Variants in FBXL20 observed in about 807,000 individuals in gnomAD.
FBXL20 encodes the protein F-box/LRR-repeat protein 20.
A neutral mutation model predicts 64.0 loss-of-function variants in FBXL20; 11 were observed. The ratio of observed to expected loss-of-function variants is 0.17; its 90% confidence interval spans 0.11 to 0.28. The LOEUF is 0.28. Ranked by LOEUF, FBXL20 falls within the 10% of genes least tolerant of loss-of-function variation. The probability of loss-of-function intolerance (pLI) is 1.00; values close to 1 mark genes in which losing one functional copy is unlikely to be tolerated. For synonymous variants in FBXL20, 184 were observed against 189.0 expected (o/e 0.97, Z 0.22); for missense variants, 303 against 526.2 (o/e 0.58, Z 4.15).
chr17:39,271,719 C>T (rs1476690824), intron 10 of FBXL20, among the ~76,000 whole-genome samples: 1 of 151,888 alleles, frequency 6.6e-6, no homozygotes, highest in African/African-American at 2.4e-5. Context: ...CCCATGGAGG[C>T]CCAGTTGAGA....
intron 1 of FBXL20, among the ~76,000 whole-genome samples, chr17:39,368,209 C>T (rs918684089): frequency 6.6e-6 from 1 of 152,054 alleles, no homozygotes; most frequent in African/African-American, 2.4e-5. Flanking sequence ...GGCAACACAG[C>T]GAGAACTTAT....
At chr17:39,362,832 C>T (rs1240124624) in intron 1 of FBXL20, among the ~76,000 whole-genome samples, 10 of 149,026 alleles carry the variant, frequency 6.7e-5, no homozygotes, top group Non-Finnish European at 1.3e-4. Context: ...GTTGGCCAGA[C>T]TGGTCATGCT....
At chr17:39,336,468 T>G (rs1334513662) in intron 2 of FBXL20, among the ~76,000 whole-genome samples, 1 of 152,206 alleles carries the variant, frequency 6.6e-6, no homozygotes, top group Non-Finnish European at 1.5e-5. Flanking sequence ...TCCATGAGTC[T>G]ATACTACACT....
At chr17:39,281,362 A>G (rs376804504) in intron 9 of FBXL20, 27 bp downstream of exon 9, 41 of 1,604,830 alleles carry the variant, frequency 2.6e-5, no homozygotes, top group Non-Finnish European at 3.1e-5. Context: ...TTACTAAAAC[A>G]GAAGAGTTGT....
At chr17:39,301,423 C>G (rs1389885527) in intron 3 of FBXL20, among the ~76,000 whole-genome samples, 1 of 151,934 alleles carries the variant, frequency 6.6e-6, no homozygotes, top group Non-Finnish European at 1.5e-5. Flanking sequence ...AGACCCGATC[C>G]CTATAAAAAA....
At position 39,275,037 on chromosome 17, in the gene FBXL20, C is replaced by T. The variant is rs1426166174; in HGVS notation, c.760G>A (p.Ala254Thr). 4 of 1,613,834 alleles carry T rather than the reference C, an allele frequency of 2.5e-6. No homozygotes were observed. The highest frequency in any genetic ancestry group is 3.4e-6 in the Non-Finnish European group (4 of 1,179,986). Residue 254 changes from alanine to threonine, a missense_variant, in exon 10 of 15, where the codon GCC becomes ACC. Transcript: ENST00000264658. ...TCTGTGATGTTGGAGCAGCCAGAGGCACAAAGGGATTGTAACTTATGGCAC... is the reference window on the plus strand; with the variant it reads ...TCTGTGATGTTGGAGCAGCCAGAGGTACAAAGGGATTGTAACTTATGGCAC... ...RGCHKLQSLC[A>T]SGCSNITDAI... is the part of the protein sequence containing the mutation.
chr17:39,270,097 G>C (rs1362936416), intron 11 of FBXL20, among the ~76,000 whole-genome samples: 3 of 152,194 alleles, frequency 2.0e-5, no homozygotes, highest in African/African-American at 7.2e-5. Flanking sequence ...GGAGAATACA[G>C]AAAATCTCCT....
At chr17:39,396,807 A>G (rs1267200029) in intron 1 of FBXL20, among the ~76,000 whole-genome samples, 2 of 151,408 alleles carry the variant, frequency 1.3e-5, no homozygotes, top group East Asian at 3.9e-4. Flanking sequence ...TACAAAAAAA[A>G]TTAGCCGGGC....
upstream of FBXL20, chr17:39,401,724 G>C (rs1041289863): frequency 5.4e-6 from 6 of 1,117,798 alleles, no homozygotes; most frequent in African/African-American, 1.6e-5. Flanking sequence ...GCGCCCGGGA[G>C]GGGGAGGGGC....
At chr17:39,335,212 T>C (rs1401846237) in intron 2 of FBXL20, among the ~76,000 whole-genome samples, 1 of 152,130 alleles carries the variant, frequency 6.6e-6, no homozygotes, top group African/African-American at 2.4e-5. Flanking sequence ...AATAACTGTC[T>C]TTGTTTCTTG....
chr17:39,392,183 T>C (rs2048140360), intron 1 of FBXL20, among the ~76,000 whole-genome samples: 1 of 152,094 alleles, frequency 6.6e-6, no homozygotes, highest in Non-Finnish European at 1.5e-5. Flanking sequence ...CTCATGCCTA[T>C]AATCCCAGCA....
chr17:39,338,515 A>T (rs1231282895), intron 2 of FBXL20, among the ~76,000 whole-genome samples: 1 of 147,822 alleles, frequency 6.8e-6, no homozygotes, highest in Non-Finnish European at 1.5e-5. Flanking sequence ...TCTGCGAGAA[A>T]CACCAGAATG....
intron 1 of FBXL20, among the ~76,000 whole-genome samples, chr17:39,351,105 T>C (rs368396385): frequency 2.6e-5 from 4 of 151,754 alleles, no homozygotes; most frequent in African/African-American, 9.7e-5. Flanking sequence ...GAGGCTGAGG[T>C]GGGCGGATCA....
At chr17:39,343,289 C>T in intron 1 of FBXL20, 48 bp from the exon 2 acceptor site, 4 of 1,340,104 alleles carry the variant, frequency 3.0e-6, no homozygotes, top group Non-Finnish European at 4.2e-6. Context: ...CATTTTATTA[C>T]AGAATGTTCA....
rs1007076354 is a variant in FBXL20, at chr17:39,337,639, C to T, written c.104+5541G>A. On this transcript the variant is annotated intron_variant, in intron 2 of 14. Coordinates refer to ENST00000264658, the MANE Select transcript of FBXL20 (RefSeq NM_032875.3). ...GAGGAGCGTCTCTGCCCGGCCGCCC[C>T]GTCTGAGAAATGAGGAGACCCTCTG... 5.3e-5 allele frequency among the ~76,000 whole-genome samples: 8 copies of T among 151,572 alleles called. No homozygotes were observed. In the East Asian group the frequency reaches 1.6e-3, roughly 30 times the overall value.
chr17:39,378,337 G>T (rs2047989199), intron 1 of FBXL20, among the ~76,000 whole-genome samples: 1 of 152,142 alleles, frequency 6.6e-6, no homozygotes, highest in African/African-American at 2.4e-5. Context: ...ACAGAGGTGT[G>T]GTAGCTCACA....
At chr17:39,368,360 C>T (rs1199326529) in intron 1 of FBXL20, among the ~76,000 whole-genome samples, 1 of 152,144 alleles carries the variant, frequency 6.6e-6, no homozygotes, top group Non-Finnish European at 1.5e-5. Context: ...CCACTGCACT[C>T]CAGCCTGGGC....
chr17:39,360,470 G>C (rs567235007), intron 1 of FBXL20, among the ~76,000 whole-genome samples: 5 of 152,104 alleles, frequency 3.3e-5, no homozygotes, highest in Non-Finnish European at 7.4e-5. Flanking sequence ...TATTTGATGT[G>C]GTTCTGTGAC....
chr17:39,262,075 T>C (rs932090063), intron 14 of FBXL20, among the ~76,000 whole-genome samples: 2 of 151,830 alleles, frequency 1.3e-5, no homozygotes, highest in African/African-American at 4.8e-5. Flanking sequence ...CTAATGTAAG[T>C]AGGCACGTAA....
Sources: gnomAD v4.1 joint callset for allele counts (sites outside exome capture counted in the v4.1 genomes callset) on GRCh38, gnomAD v4.1.1 for gene constraint, MANE v1.5 for transcripts, NCBI Gene and HGNC (gene_info 2026-07-23, HGNC 2026-07-21) for gene names.